IGSF10: variants seen among roughly 807,000 people sequenced by gnomAD.
The protein encoded by IGSF10 is calvaria mechanical force protein 608.
IGSF10 carries 126 observed loss-of-function variants against 128.2 expected under a neutral mutation model. The ratio of observed to expected loss-of-function variants is 0.98; its 90% CI spans 0.85 to 1.14. The LOEUF (loss-of-function observed/expected upper bound fraction) is 1.14, where lower values mean the gene tolerates loss of function less well. Ranked by LOEUF, IGSF10 falls within the 50% of genes most tolerant of loss-of-function variation. The pLI is 0.00. For synonymous variants in IGSF10, 1,185 were observed against 1,146.2 expected, an observed-to-expected ratio of 1.03 and a Z score of -0.68; for missense variants, 3,295 against 3,149.8, an observed-to-expected ratio of 1.05 and a Z score of -1.10.
the IGSF10 span, among the ~76,000 whole-genome samples, chr3:151,527,584 G>A: frequency 2.6e-5 from 4 of 152,216 alleles, no homozygotes; most frequent in South Asian, 8.3e-4. Flanking sequence ...AGTATTAATT[G>A]CCCAGAAGAT....
the IGSF10 span, among the ~76,000 whole-genome samples, chr3:151,495,736 T>C: frequency 6.6e-6 from 1 of 152,066 alleles, no homozygotes; most frequent in Non-Finnish European, 1.5e-5. Context: ...AAGGGGAACA[T>C]GAGCCAAATA....
chr3:151,538,798 A>G, the IGSF10 span, among the ~76,000 whole-genome samples: 2 of 152,240 alleles, frequency 1.3e-5, no homozygotes, highest in African/African-American at 4.8e-5. Context: ...CAAGCCCCAC[A>G]TAAAGAATGT....
the IGSF10 span, among the ~76,000 whole-genome samples, chr3:151,512,594 G>A: frequency 6.6e-6 from 1 of 151,636 alleles, no homozygotes; most frequent in Non-Finnish European, 1.5e-5. Context: ...CTAGCAGAAG[G>A]CAAGAAATAA....
At chr3:151,514,340 G>A in the IGSF10 span, among the ~76,000 whole-genome samples, 2 of 152,114 alleles carry the variant, frequency 1.3e-5, no homozygotes, top group African/African-American at 4.8e-5. Flanking sequence ...TTTGATCTTT[G>A]ACAAACCTGA....
chr3:151,592,929 A>G, the IGSF10 span, among the ~76,000 whole-genome samples: 1 of 152,202 alleles, frequency 6.6e-6, no homozygotes, highest in Non-Finnish European at 1.5e-5. Context: ...AGTGAAAAGA[A>G]TTACAAAGAA....
chr3:151,554,939 T>A, the IGSF10 span, among the ~76,000 whole-genome samples: 2 of 152,168 alleles, frequency 1.3e-5, no homozygotes, highest in African/African-American at 4.8e-5. Context: ...TTGGGGTGAT[T>A]TGTTATGCAG....
chr3:151,604,401 A>G, the IGSF10 span, among the ~76,000 whole-genome samples: 1 of 152,072 alleles, frequency 6.6e-6, no homozygotes, highest in Admixed American at 6.6e-5. Flanking sequence ...ATATTTACAT[A>G]TGTAAATCAA....
chr3:151,501,640 A>G, the IGSF10 span, among the ~76,000 whole-genome samples: 1 of 152,038 alleles, frequency 6.6e-6, no homozygotes, highest in Non-Finnish European at 1.5e-5. Context: ...TTTGGCCAAA[A>G]TGTGTGAAAT....
chr3:151,569,065 C>T, the IGSF10 span, among the ~76,000 whole-genome samples: 1 of 152,202 alleles, frequency 6.6e-6, no homozygotes, highest in East Asian at 1.9e-4. Context: ...ATACATTCTG[C>T]CTCCTTTCCA....
chr3:151,486,257 CAAG>C, the IGSF10 span, among the ~76,000 whole-genome samples: 1 of 152,156 alleles, frequency 6.6e-6, no homozygotes, highest in Non-Finnish European at 1.5e-5. Context: ...ATCAATGCAA[CAAG>C]AAGAGCTAAC....
the IGSF10 span, among the ~76,000 whole-genome samples, chr3:151,560,707 C>A: frequency 1.3e-5 from 2 of 151,624 alleles, no homozygotes; most frequent in African/African-American, 4.8e-5. Context: ...CCATAGCCCC[C>A]CCCTCCGTCC....
the IGSF10 span, among the ~76,000 whole-genome samples, chr3:151,580,715 C>T: frequency 6.6e-6 from 1 of 152,166 alleles, no homozygotes; most frequent in Admixed American, 6.5e-5. Flanking sequence ...ACTGTGTGTA[C>T]ACTTACGGAG....
At chr3:151,495,077 G>A in the IGSF10 span, among the ~76,000 whole-genome samples, 8 of 152,200 alleles carry the variant, frequency 5.3e-5, no homozygotes, top group Middle Eastern at 3.4e-3. Flanking sequence ...ACACCAAAGC[G>A]TATATTGAAG....
At chr3:151,523,467 G>A in the IGSF10 span, among the ~76,000 whole-genome samples, 6 of 152,076 alleles carry the variant, frequency 3.9e-5, no homozygotes, top group African/African-American at 1.4e-4. Context: ...TACAAAAACA[G>A]GCACATAGAC....
At chr3:151,508,403 TAAGACA>T in the IGSF10 span, among the ~76,000 whole-genome samples, 1 of 152,016 alleles carries the variant, frequency 6.6e-6, no homozygotes, top group Non-Finnish European at 1.5e-5. Context: ...GTAGCATTAA[TAAGACA>T]AAGTATTTTT....
the IGSF10 span, among the ~76,000 whole-genome samples, chr3:151,487,948 C>T: frequency 6.6e-6 from 1 of 152,156 alleles, no homozygotes; most frequent in South Asian, 2.1e-4. Context: ...CTCACCACTC[C>T]TATTAAACAT....
At chr3:151,580,675 TA>T in the IGSF10 span, among the ~76,000 whole-genome samples, 366 of 149,964 alleles carry the variant, frequency 2.4e-3, no homozygotes, top group South Asian at 8.6e-3. Context: ...GTTTTAACGT[TA>T]AAAAAAAAAT....
chr3:151,582,809 T>C, the IGSF10 span, among the ~76,000 whole-genome samples: 1 of 152,216 alleles, frequency 6.6e-6, no homozygotes, highest in Non-Finnish European at 1.5e-5. Flanking sequence ...CATTTTCTCA[T>C]TCATTCTCAA....
the IGSF10 span, among the ~76,000 whole-genome samples, chr3:151,578,414 C>T: frequency 6.6e-6 from 1 of 152,270 alleles, no homozygotes; most frequent in Middle Eastern, 3.4e-3. Context: ...TAAGTTTTCA[C>T]TGAAAATTTA....
Sources: gnomAD v4.1 joint callset for allele counts (sites outside exome capture counted in the v4.1 genomes callset) on GRCh38, gnomAD v4.1.1 for gene constraint, MANE v1.5 for transcripts, NCBI Gene and HGNC (gene_info 2026-07-23, HGNC 2026-07-21) for gene names.